CAST: variants seen among roughly 807,000 people sequenced by gnomAD.
CAST encodes calpastatin.
CAST carries 76 observed loss-of-function variants against 119.6 expected under a neutral mutation model. The ratio of observed to expected loss-of-function variants is 0.64; its 90% CI spans 0.53 to 0.77. The LOEUF is 0.77. Among genes scored for constraint, CAST ranks in the 30% least tolerant of loss-of-function variants. CAST has a pLI of 0.00. For missense variants in CAST, 953 were observed against 946.5 expected, an observed-to-expected ratio of 1.01 and a Z score of -0.09; for synonymous variants, 319 against 331.6, an observed-to-expected ratio of 0.96 and a Z score of 0.41.
intron 1 of CAST, among the ~76,000 whole-genome samples, chr5:96,671,694 A>C (rs928154746): frequency 3.3e-5 from 5 of 152,190 alleles, no homozygotes; most frequent in African/African-American, 1.2e-4. Context: ...TTCTGTAATT[A>C]GTTTTGTGGT....
chr5:96,751,616 C>T (rs1413664248), intron 20 of CAST, among the ~76,000 whole-genome samples: 1 of 152,182 alleles, frequency 6.6e-6, no homozygotes, highest in Non-Finnish European at 1.5e-5. Flanking sequence ...TGCTAGGCCA[C>T]AGTGGTAAAG....
At chr5:96,400,939 T>G in the CAST span, among the ~76,000 whole-genome samples, 810 of 150,284 alleles carry the variant, frequency 5.4e-3, 6 homozygotes, top group African/African-American at 0.019. Context: ...TACAAAAAAT[T>G]AGCCGGGCGC....
chr5:96,624,544 A>G (rs1192599509), intron 1 of CAST, among the ~76,000 whole-genome samples: 5 of 152,234 alleles, frequency 3.3e-5, no homozygotes, highest in Admixed American at 1.3e-4. Context: ...AAAATAAATG[A>G]GTACTGCTAA....
At chr5:96,492,034 A>G in the CAST span, among the ~76,000 whole-genome samples, 1 of 152,280 alleles carries the variant, frequency 6.6e-6, no homozygotes, top group African/African-American at 2.4e-5. Context: ...GATGCTGGTA[A>G]TATTCTGTTT....
intron 24 of CAST, 73 bp from the exon 25 acceptor site, chr5:96,762,201 A>G (rs377524359): frequency 4.3e-5 from 37 of 851,864 alleles, no homozygotes; most frequent in African/African-American, 3.9e-4. Context: ...TTTAAGAGTT[A>G]TAGTTAAGTG....
chr5:96,774,509 T>A lies in CAST; in HGVS notation c.*1893T>A. 1 of 986,532 alleles carries A rather than the reference T, an allele frequency of 1.0e-6. No homozygotes were observed. Among genetic ancestry groups the A allele is most frequent in the Non-Finnish European group, 1.2e-6 (1 of 829,796 alleles). The allele number at this position is 986,532 out of a possible 1,614,324, so 61.1% of individuals were successfully genotyped here. A position where few individuals can be genotyped will look rare whatever the true frequency, so the allele number is the denominator to read the frequency against. ...TTAGAGGCAAAGAACAATTTTTTAT[T>A]ATCAAAAAGGTTTCTGCACATTGTT... On this transcript the variant is annotated 3_prime_UTR_variant, in exon 32 of 32. Transcript: ENST00000675179.
chr5:96,699,253 C>A (rs181007232), intron 3 of CAST, among the ~76,000 whole-genome samples: 179 of 152,316 alleles, frequency 1.2e-3, no homozygotes, highest in African/African-American at 4.1e-3. Flanking sequence ...TTTCACCAAC[C>A]TGACTGTTCA....
chr5:96,153,256 G>A, the CAST span, among the ~76,000 whole-genome samples: 2 of 152,172 alleles, frequency 1.3e-5, no homozygotes, highest in Admixed American at 1.3e-4. Flanking sequence ...CTGGGACCCT[G>A]CCCTAGATTC....
chr5:96,412,350 C>G, the CAST span: 1 of 1,614,196 alleles, frequency 6.2e-7, no homozygotes, highest in Non-Finnish European at 8.5e-7. Flanking sequence ...GCCTTCTGGG[C>G]TAGCCGGCCA....
the CAST span, among the ~76,000 whole-genome samples, chr5:96,502,188 C>G: frequency 6.6e-5 from 10 of 152,198 alleles, no homozygotes; most frequent in Non-Finnish European, 1.0e-4. Flanking sequence ...AAATCTCTGA[C>G]TACCTTCTCT....
chr5:96,231,522 T>A, the CAST span, among the ~76,000 whole-genome samples: 1 of 152,122 alleles, frequency 6.6e-6, no homozygotes, highest in Admixed American at 6.6e-5. Context: ...TGGGGATGGG[T>A]TTCTTTATGA....
At chr5:96,402,351 G>A in the CAST span, among the ~76,000 whole-genome samples, 14 of 152,198 alleles carry the variant, frequency 9.2e-5, no homozygotes, top group East Asian at 1.9e-4. Context: ...CATGAAGGCC[G>A]CAGGCCCCCT....
chr5:96,618,459 C>T (rs13168101), intron 1 of CAST, among the ~76,000 whole-genome samples: 3 of 152,248 alleles, frequency 2.0e-5, no homozygotes, highest in African/African-American at 4.8e-5. Flanking sequence ...GAGCCCCTCT[C>T]TGGGCTGGCT....
chr5:96,440,770 G>A, the CAST span, among the ~76,000 whole-genome samples: 1 of 152,220 alleles, frequency 6.6e-6, no homozygotes, highest in African/African-American at 2.4e-5. Flanking sequence ...TGCAATGGTT[G>A]ATGATCCAGC....
chr5:96,096,211 G>T, the CAST span, among the ~76,000 whole-genome samples: 1 of 152,172 alleles, frequency 6.6e-6, no homozygotes, highest in Non-Finnish European at 1.5e-5. Flanking sequence ...TATACTGGAA[G>T]ATAAGGACAA....
At chr5:96,372,036 A>G in the CAST span, among the ~76,000 whole-genome samples, 32 of 152,330 alleles carry the variant, frequency 2.1e-4, no homozygotes, top group Non-Finnish European at 1.3e-4. Flanking sequence ...AATATTGTGC[A>G]GAAATGCTGT....
At chr5:96,646,663 TG>T (rs1472432125) in intron 1 of CAST, among the ~76,000 whole-genome samples, 4 of 152,336 alleles carry the variant, frequency 2.6e-5, no homozygotes, top group South Asian at 4.1e-4. Context: ...GGGGAGGTGT[TG>T]TGGGGCTGCA....
intron 1 of CAST, among the ~76,000 whole-genome samples, chr5:96,597,679 G>T (rs1307848594): frequency 6.6e-6 from 1 of 152,152 alleles, no homozygotes; most frequent in Non-Finnish European, 1.5e-5. Context: ...CATATACTGA[G>T]TAGCACTTAA....
intron 15 of CAST, chr5:96,742,167 C>T (rs1175974857): frequency 6.2e-6 from 1 of 160,060 alleles, no homozygotes; most frequent in Non-Finnish European, 1.4e-5. Context: ...GTGAGTACCA[C>T]ACCCCTGAGA....
Sources: allele counts gnomAD v4.1 joint callset (sites outside exome capture counted in the v4.1 genomes callset), GRCh38; gene constraint gnomAD v4.1.1; transcripts MANE v1.5; gene names NCBI Gene and HGNC (gene_info 2026-07-23, HGNC 2026-07-21).